Variants in RNF13 observed in about 807,000 individuals in gnomAD.
The protein encoded by RNF13 is E3 ubiquitin-protein ligase RNF13.
A neutral mutation model predicts 37.7 loss-of-function variants in RNF13; 19 were observed. The observed-to-expected ratio is 0.50, with a 90% confidence interval of 0.35 to 0.74. The LOEUF is 0.74. Among genes scored for constraint, RNF13 ranks in the 30% least tolerant of loss-of-function variants. RNF13 has a pLI of 0.01. For synonymous variants in RNF13, 144 were observed against 157.8 expected (o/e 0.91, Z 0.65); for missense variants, 375 against 453.0 (o/e 0.83, Z 1.56).
intron 2 of RNF13, among the ~76,000 whole-genome samples, chr3:149,847,607 G>A (rs907496872): frequency 6.6e-6 from 1 of 151,792 alleles, no homozygotes; most frequent in Non-Finnish European, 1.5e-5. Flanking sequence ...GTTTGTTTTG[G>A]GGAATAGTCT....
chr3:149,926,510 T>A (rs1718672233), intron 8 of RNF13, among the ~76,000 whole-genome samples: 1 of 152,060 alleles, frequency 6.6e-6, no homozygotes, highest in Admixed American at 6.6e-5. Flanking sequence ...ATGCCCAGCC[T>A]CTTCTGTGTT....
chr3:149,834,329 A>G (rs749795846), intron 1 of RNF13, among the ~76,000 whole-genome samples: 1 of 152,250 alleles, frequency 6.6e-6, no homozygotes, highest in Non-Finnish European at 1.5e-5. Context: ...ATACTTCCTG[A>G]TTTCAAAACT....
chr3:149,833,534 T>C (rs981582023), intron 1 of RNF13, among the ~76,000 whole-genome samples: 1 of 152,132 alleles, frequency 6.6e-6, no homozygotes, highest in Non-Finnish European at 1.5e-5. Context: ...ATCACTTCAA[T>C]AGATGCAGAA....
intron 1 of RNF13, among the ~76,000 whole-genome samples, 192 bp downstream of exon 1, chr3:149,813,545 C>A (rs1194392410): frequency 2.0e-5 from 3 of 152,180 alleles, no homozygotes; most frequent in Admixed American, 1.3e-4. Flanking sequence ...CTCGGGGGAC[C>A]GAGTCTCCCC....
Position 149,960,945 on chromosome 3 carries a change from C to G in RNF13, c.987C>G (p.Ser329=), listed in dbSNP as rs768209626. 1.1e-5 allele frequency: 17 copies of G among 1,614,142 alleles called. No homozygotes were observed. In the Admixed American group the frequency reaches 2.8e-4, roughly 27 times the overall value. The change falls in exon 10 of 10, where the codon TCC becomes TCG. Residue 329 remains serine (S), a synonymous_variant. Transcript: ENST00000392894. ...AGTCATTTGGGGCTTTATCGGAATC[C>G]CGCTCACATCAGAACATGACAGAAT... ...SAQSFGALSE[S]RSHQNMTESS...
At chr3:149,959,346 A>G (rs1252258595) in intron 8 of RNF13, among the ~76,000 whole-genome samples, 1 of 152,244 alleles carries the variant, frequency 6.6e-6, no homozygotes, top group Admixed American at 6.5e-5. Context: ...AAAAACTGCT[A>G]GTTCCTTTAA....
chr3:149,827,920 G>A (rs919678995), intron 1 of RNF13, among the ~76,000 whole-genome samples: 2 of 151,966 alleles, frequency 1.3e-5, no homozygotes, highest in African/African-American at 2.4e-5. Flanking sequence ...GACCAGCCTG[G>A]GCAGCAAGGC....
At chr3:149,919,865 T>A (rs948722490) in intron 7 of RNF13, among the ~76,000 whole-genome samples, 13 of 152,352 alleles carry the variant, frequency 8.5e-5, no homozygotes, top group African/African-American at 2.9e-4. Flanking sequence ...CACCAGAAAG[T>A]GTATGAGAGT....
intron 1 of RNF13, among the ~76,000 whole-genome samples, chr3:149,825,465 C>T (rs893279416): frequency 6.6e-6 from 1 of 152,216 alleles, no homozygotes; most frequent in Admixed American, 6.5e-5. Context: ...TGCCCCGCCT[C>T]CAGCAACCCT....
chr3:149,848,751 T>C (rs864431), intron 2 of RNF13, among the ~76,000 whole-genome samples: 4 of 152,162 alleles, frequency 2.6e-5, no homozygotes, highest in African/African-American at 9.7e-5. Flanking sequence ...TTTTTGTTTT[T>C]TGTTTTTGGC....
At chr3:149,869,186 A>T (rs1419130766) in intron 3 of RNF13, among the ~76,000 whole-genome samples, 1 of 151,840 alleles carries the variant, frequency 6.6e-6, no homozygotes, top group Non-Finnish European at 1.5e-5. Context: ...AATTTGTTTG[A>T]TTTAAACAAA....
chr3:149,916,405 A>C (rs1399981884), intron 7 of RNF13, among the ~76,000 whole-genome samples: 1 of 152,216 alleles, frequency 6.6e-6, no homozygotes, highest in Non-Finnish European at 1.5e-5. Context: ...CTTTCAAAGA[A>C]GTAGGCTTTC....
intron 8 of RNF13, among the ~76,000 whole-genome samples, chr3:149,953,067 G>A (rs1721493082): frequency 6.6e-6 from 1 of 152,010 alleles, no homozygotes; most frequent in South Asian, 2.1e-4. Context: ...ACCCAATAAA[G>A]AGTAATATAT....
At chr3:149,935,821 TTGTC>T (rs1719616477) in intron 8 of RNF13, among the ~76,000 whole-genome samples, 2 of 152,210 alleles carry the variant, frequency 1.3e-5, no homozygotes, top group African/African-American at 2.4e-5. Context: ...TATTCTAAAT[TTGTC>T]TGTATATTTT....
chr3:149,848,470 A>C (rs917094627), intron 2 of RNF13, among the ~76,000 whole-genome samples: 1 of 152,222 alleles, frequency 6.6e-6, no homozygotes, highest in African/African-American at 2.4e-5. Context: ...GATGTGTGAC[A>C]ATCATTCAAA....
chr3:149,840,609 C>T (rs73870442), intron 1 of RNF13, among the ~76,000 whole-genome samples: 4,033 of 152,122 alleles, frequency 0.027, 69 homozygotes, highest in South Asian at 0.035. Context: ...TACTGTGGTC[C>T]ATGCAGAGAC....
chr3:149,944,404 C>T (rs1440943576), intron 8 of RNF13, among the ~76,000 whole-genome samples: 1 of 152,190 alleles, frequency 6.6e-6, no homozygotes, highest in Admixed American at 6.5e-5. Flanking sequence ...CTGTCTTCCA[C>T]AATGGTTGAA....
Position 149,960,958 on chromosome 3 carries a change from A to G in RNF13, c.1000A>G (p.Asn334Asp). 1.2e-6 allele frequency: 2 copies of G among 1,614,252 alleles called. No homozygotes were observed. The highest frequency in any genetic ancestry group is 1.7e-6 in the Non-Finnish European group (2 of 1,180,034). Reference sequence around the variant, plus strand: ...TTTATCGGAATCCCGCTCACATCAGAACATGACAGAATCTTCAGACTATGA... The same window carrying G: ...TTTATCGGAATCCCGCTCACATCAGGACATGACAGAATCTTCAGACTATGA... The part of the protein sequence containing the change: ...GALSESRSHQ[N>D]MTESSDYEED... Residue 334 changes from asparagine (N) to aspartate (D), a missense_variant, in exon 10 of 10, where the codon AAC (asparagine) becomes GAC (aspartate). Coordinates refer to ENST00000392894, the MANE Select transcript of RNF13 (RefSeq NM_183381.3).
At chr3:149,940,921 A>C (rs935974268) in intron 8 of RNF13, among the ~76,000 whole-genome samples, 2 of 151,986 alleles carry the variant, frequency 1.3e-5, no homozygotes, top group Non-Finnish European at 2.9e-5. Context: ...TACTTTAGAT[A>C]CTTCATATGA....
Sources: gnomAD v4.1 joint callset for allele counts (sites outside exome capture counted in the v4.1 genomes callset) on GRCh38, gnomAD v4.1.1 for gene constraint, MANE v1.5 for transcripts, NCBI Gene and HGNC (gene_info 2026-07-23, HGNC 2026-07-21) for gene names.